The following CDK14 variants were observed in gnomAD, a reference collection of about 807,000 sequenced individuals.
CDK14 encodes cyclin dependent kinase 14.
In CDK14, 34 loss-of-function variants were observed where a neutral mutation model predicts 60.7. The ratio of observed to expected loss-of-function variants is 0.56; its 90% CI spans 0.43 to 0.75. The LOEUF (loss-of-function observed/expected upper bound fraction) is 0.75, where lower values mean the gene tolerates loss of function less well. CDK14 is among the 30% of genes least tolerant of loss of function. CDK14 has a pLI of 0.00. For missense variants in CDK14, 482 were observed against 564.1 expected (o/e 0.85, Z 1.47); for synonymous variants, 197 against 203.7 (o/e 0.97, Z 0.28).
At chr7:90,773,662 T>C (rs1397799753) in intron 4 of CDK14, among the ~76,000 whole-genome samples, 1 of 151,888 alleles carries the variant, frequency 6.6e-6, no homozygotes, top group African/African-American at 2.4e-5. Flanking sequence ...GTGAGCCACC[T>C]CGCCTGGCTC....
intron 5 of CDK14, among the ~76,000 whole-genome samples, chr7:90,853,458 C>T (rs1271907857): frequency 2.6e-5 from 4 of 151,936 alleles, no homozygotes; most frequent in Middle Eastern, 3.2e-3. Context: ...ACTGACTTAG[C>T]TGTTTCTGTT....
chr7:90,666,186 T>C (rs1057302092), intron 2 of CDK14, among the ~76,000 whole-genome samples: 1 of 152,240 alleles, frequency 6.6e-6, no homozygotes, highest in Non-Finnish European at 1.5e-5. Context: ...GCTATTCTTA[T>C]TGCCTTGAAT....
intron 10 of CDK14, 144 bp from the exon 11 acceptor site, chr7:91,045,753 C>G (rs978555529): frequency 1.7e-6 from 1 of 573,484 alleles, no homozygotes; most frequent in African/African-American, 1.9e-5. Flanking sequence ...TTTGTTTTTA[C>G]TGAAATAAAA....
intron 14 of CDK14, among the ~76,000 whole-genome samples, chr7:91,198,563 C>T (rs528771125): frequency 2.5e-4 from 38 of 152,208 alleles, no homozygotes; most frequent in Non-Finnish European, 4.9e-4. Context: ...GTATCTTGCT[C>T]ATGGCTGCTG....
At chr7:90,981,451 A>G (rs1042539846) in intron 9 of CDK14, among the ~76,000 whole-genome samples, 1 of 152,228 alleles carries the variant, frequency 6.6e-6, no homozygotes. Context: ...TTTAGTCATT[A>G]TAACACTGTA....
At chr7:90,676,788 G>C (rs1182154108) in intron 2 of CDK14, among the ~76,000 whole-genome samples, 1 of 151,894 alleles carries the variant, frequency 6.6e-6, no homozygotes, top group South Asian at 2.1e-4. Context: ...TTCCTGCCTT[G>C]GCCTCCCAAA....
intron 9 of CDK14, among the ~76,000 whole-genome samples, chr7:90,979,073 C>T (rs1795155284): frequency 6.6e-6 from 1 of 152,026 alleles, no homozygotes; most frequent in African/African-American, 2.4e-5. Flanking sequence ...AACTACTTAT[C>T]TTTGTCATTT....
At chr7:90,789,959 T>C (rs1200611533) in intron 4 of CDK14, among the ~76,000 whole-genome samples, 2 of 152,138 alleles carry the variant, frequency 1.3e-5, no homozygotes, top group Non-Finnish European at 2.9e-5. Flanking sequence ...CTGCTTTGGA[T>C]AGGTCTTGTG....
At chr7:90,719,900 G>A (rs1407222174) in intron 2 of CDK14, among the ~76,000 whole-genome samples, 4 of 152,116 alleles carry the variant, frequency 2.6e-5, no homozygotes, top group Non-Finnish European at 4.4e-5. Context: ...TTTCTGTCTT[G>A]TTTTCACACG....
At chr7:90,998,732 C>CA (rs1795755594) in intron 10 of CDK14, among the ~76,000 whole-genome samples, 2 of 152,008 alleles carry the variant, frequency 1.3e-5, no homozygotes, top group African/African-American at 4.8e-5. Flanking sequence ...ATTAAAAATA[C>CA]AAAAAAATTA....
intron 8 of CDK14, among the ~76,000 whole-genome samples, chr7:90,945,114 G>A (rs191331820): frequency 5.3e-5 from 8 of 152,304 alleles, no homozygotes; most frequent in Admixed American, 1.3e-4. Flanking sequence ...AAACAAGGTA[G>A]TCACATGTTC....
intron 2 of CDK14, among the ~76,000 whole-genome samples, chr7:90,634,492 A>G (rs56016579): frequency 0.092 from 13,942 of 151,428 alleles, 784 homozygotes; most frequent in South Asian, 0.15. Flanking sequence ...ATAGTATTCC[A>G]TGGTGTATAT....
chr7:91,008,578 A>T (rs1367102992), intron 10 of CDK14, among the ~76,000 whole-genome samples: 1 of 152,120 alleles, frequency 6.6e-6, no homozygotes, highest in Non-Finnish European at 1.5e-5. Flanking sequence ...AAAGCCTTTA[A>T]TATCAGAATC....
intron 7 of CDK14, among the ~76,000 whole-genome samples, chr7:90,914,521 C>G (rs1584118077): frequency 1.3e-5 from 2 of 152,132 alleles, no homozygotes; most frequent in Admixed American, 1.3e-4. Context: ...ATGGTTGGCA[C>G]TTAATAAACC....
chr7:90,744,141 G>A (rs1326191559), intron 3 of CDK14, among the ~76,000 whole-genome samples: 1 of 152,170 alleles, frequency 6.6e-6, no homozygotes, highest in Non-Finnish European at 1.5e-5. Flanking sequence ...TGGTTTCCTA[G>A]GCAGAGGACC....
rs139079906 is a variant in CDK14 at position 90,860,635 on chromosome 7, C to T, written c.545-2540C>T. 1.0e-2 allele frequency among the ~76,000 whole-genome samples: 1,513 copies of T among 151,434 alleles called. 24 individuals are homozygous for T. The highest frequency in any genetic ancestry group is 0.034 in the African/African-American group (1,393 of 41,220). On this transcript the variant is annotated intron_variant, in intron 5 of 14. Coordinates refer to ENST00000380050, the MANE Select transcript of CDK14 (RefSeq NM_001287135.2). ...CCACCTCCCAGGTTCAAGTGATTCT[C>T]CTGCCTCAGCCTCCCAAGTAGCTGG...
rs535485499 is a variant in CDK14, at chr7:90,726,951, G to A, written c.369+139G>A. The A allele has an allele frequency of 2.2e-5, 21 of 951,562 alleles. No homozygotes were observed. The African/African-American group carries it at 2.8e-4, about 13-fold the overall frequency. 58.9% of individuals were successfully genotyped at this position (951,562 alleles called of 1,614,324 possible). ...TCTCCCAGGGTGGTTGAATGTTTTG[G>A]AAGAGAGAGAGCAAACTATATATGG... On this transcript the variant is annotated intron_variant, in intron 3 of 14. Coordinates refer to ENST00000380050, the MANE Select transcript of CDK14 (RefSeq NM_001287135.2).
At chr7:90,702,198 A>G (rs537201985) in intron 2 of CDK14, among the ~76,000 whole-genome samples, 3 of 152,242 alleles carry the variant, frequency 2.0e-5, no homozygotes, top group African/African-American at 7.2e-5. Flanking sequence ...AGAAACAGGA[A>G]CCTATCCTAT....
intron 2 of CDK14, among the ~76,000 whole-genome samples, chr7:90,666,039 C>A (rs1800973384): frequency 6.6e-6 from 1 of 152,190 alleles, no homozygotes; most frequent in African/African-American, 2.4e-5. Flanking sequence ...AGTTCCCTGC[C>A]TAGTCCCTGC....
Sources: allele counts gnomAD v4.1 joint callset (sites outside exome capture counted in the v4.1 genomes callset), GRCh38; gene constraint gnomAD v4.1.1; transcripts MANE v1.5; gene names NCBI Gene and HGNC (gene_info 2026-07-23, HGNC 2026-07-21).